The following SLIT3 variants were observed in gnomAD, a reference collection of about 807,000 sequenced individuals.
SLIT3 encodes the protein slit guidance ligand 3.
Under a neutral mutation model 184.0 loss-of-function variants are expected in SLIT3, and 68 were observed. The ratio of observed to expected loss-of-function variants is 0.37; its 90% CI spans 0.30 to 0.45. The LOEUF (loss-of-function observed/expected upper bound fraction) is 0.45. Ranked by LOEUF, SLIT3 falls within the 20% of genes least tolerant of loss-of-function variation. The pLI is 1.00. For missense variants in SLIT3, 1,707 were observed against 2,026.0 expected (o/e 0.84, Z 3.02); for synonymous variants, 831 against 828.6 (o/e 1.00, Z -0.05).
intron 4 of SLIT3, among the ~76,000 whole-genome samples, chr5:169,141,434 T>C (rs1012649930): frequency 2.6e-5 from 4 of 151,914 alleles, no homozygotes; most frequent in African/African-American, 9.7e-5. Flanking sequence ...GTTTTTTTTT[T>C]TGTTTTTTGA....
chr5:168,788,500 C>T (rs1756240854), intron 11 of SLIT3, among the ~76,000 whole-genome samples: 1 of 152,200 alleles, frequency 6.6e-6, no homozygotes, highest in South Asian at 2.1e-4. Context: ...GTTCTGGAGC[C>T]AGACAGCATG....
At chr5:168,925,931 C>T (rs976186691) in intron 4 of SLIT3, among the ~76,000 whole-genome samples, 1 of 152,206 alleles carries the variant, frequency 6.6e-6, no homozygotes, top group Non-Finnish European at 1.5e-5. Flanking sequence ...GCCCAGGAAC[C>T]CAGTCAGGTA....
chr5:168,785,150 C>T (rs1410159964), intron 12 of SLIT3, among the ~76,000 whole-genome samples: 1 of 152,156 alleles, frequency 6.6e-6, no homozygotes, highest in Non-Finnish European at 1.5e-5. Flanking sequence ...CACACACACA[C>T]ACACACTCCC....
chr5:169,227,533 TTC>T (rs1275818934), intron 3 of SLIT3, among the ~76,000 whole-genome samples: 1 of 152,174 alleles, frequency 6.6e-6, no homozygotes, highest in African/African-American at 2.4e-5. Flanking sequence ...GCTCAAGTGA[TTC>T]TCCTGTCTCA....
intron 4 of SLIT3, among the ~76,000 whole-genome samples, chr5:169,091,763 G>A (rs529023149): frequency 6.6e-6 from 1 of 152,330 alleles, no homozygotes; most frequent in African/African-American, 2.4e-5. Flanking sequence ...AAGCCTCGTG[G>A]CGAAGCTGGA....
intron 12 of SLIT3, among the ~76,000 whole-genome samples, chr5:168,777,033 CCT>C (rs961935065): frequency 3.0e-4 from 45 of 151,412 alleles, no homozygotes; most frequent in African/African-American, 4.9e-4. Flanking sequence ...TTTCAATCCT[CCT>C]CTGTTTTAAA....
chr5:168,857,996 C>T (rs910219340), intron 5 of SLIT3, among the ~76,000 whole-genome samples: 1 of 152,258 alleles, frequency 6.6e-6, no homozygotes, highest in Non-Finnish European at 1.5e-5. Flanking sequence ...CTGGAGATGT[C>T]TCCTCTTCCT....
intron 4 of SLIT3, among the ~76,000 whole-genome samples, chr5:168,990,380 T>A (rs1057035763): frequency 7.2e-5 from 11 of 152,240 alleles, no homozygotes; most frequent in Non-Finnish European, 1.3e-4. Flanking sequence ...CGTTTGTTTG[T>A]TTGAAGTGAT....
intron 5 of SLIT3, chr5:168,844,895 C>CCT: frequency 2.9e-6 from 1 of 349,230 alleles, no homozygotes. Context: ...ATTAATTGCG[C>CCT]ATTTTTTTTT....
At chr5:168,921,262 T>C (rs1761626590) in intron 4 of SLIT3, among the ~76,000 whole-genome samples, 1 of 152,216 alleles carries the variant, frequency 6.6e-6, no homozygotes, top group Admixed American at 6.5e-5. Context: ...CCACACTCTA[T>C]GTTCCTGAAT....
In SLIT3 at chr5:168,731,864, A is replaced by G. The variant is rs555664662; in HGVS notation, c.2271-7380T>C. Among the ~76,000 whole-genome samples the G allele has an allele frequency of 1.3e-3, 195 of 152,174 alleles. 1 individual carries two copies. Among genetic ancestry groups the G allele is most frequent in the South Asian group, 9.1e-3 (44 of 4,826 alleles). ...CATCATCCTTAATGGAGAAAAGTTG[A>G]AAGGATTCCCTCTAAGAATTGGAAC... On this transcript the variant is annotated intron_variant, in intron 20 of 35. Transcript: ENST00000519560.
chr5:169,082,813 C>T (rs1759124893), intron 4 of SLIT3, among the ~76,000 whole-genome samples: 1 of 152,188 alleles, frequency 6.6e-6, no homozygotes, highest in Non-Finnish European at 1.5e-5. Flanking sequence ...TGGTACCTTA[C>T]ATCAGCAACT....
intron 20 of SLIT3, among the ~76,000 whole-genome samples, chr5:168,737,280 C>A (rs543272998): frequency 3.8e-4 from 58 of 152,254 alleles, no homozygotes; most frequent in African/African-American, 1.3e-3. Flanking sequence ...AGACCTCCAT[C>A]CCCTAACTCC....
At chr5:169,117,017 G>T (rs144112090) in intron 4 of SLIT3, among the ~76,000 whole-genome samples, 1 of 152,258 alleles carries the variant, frequency 6.6e-6, no homozygotes, top group Non-Finnish European at 1.5e-5. Flanking sequence ...CCAGCAGGGG[G>T]CAGGGAGCAG....
intron 1 of SLIT3, among the ~76,000 whole-genome samples, chr5:169,265,339 A>G (rs79148930): frequency 0.12 from 18,897 of 152,188 alleles, 1,420 homozygotes; most frequent in Admixed American, 0.22. Context: ...TCAAATACAA[A>G]TCTACAATTC....
At chr5:168,952,534 A>AAAAAAAAAAAAAAAAAAAG (rs1271244382) in intron 4 of SLIT3, among the ~76,000 whole-genome samples, 2 of 60,308 alleles carry the variant, frequency 3.3e-5, no homozygotes, top group African/African-American at 1.5e-4. Context: ...ATGCCAAAAA[A>AAAAAAAAAAAAAAAAAAAG]AAAAAAAAAA....
intron 14 of SLIT3, chr5:168,768,242 C>G: frequency 2.0e-6 from 1 of 512,022 alleles, no homozygotes; most frequent in Non-Finnish European, 4.0e-6. Context: ...AGGAAAGCCC[C>G]GCAGCGACTG....
At chr5:168,793,675 C>T (rs1270770455) in intron 10 of SLIT3, among the ~76,000 whole-genome samples, 1 of 152,066 alleles carries the variant, frequency 6.6e-6, no homozygotes, top group Non-Finnish European at 1.5e-5. Context: ...ACCTGGACTT[C>T]ACAAAAAATT....
At chr5:169,278,596 C>T (rs1471210707) in intron 1 of SLIT3, among the ~76,000 whole-genome samples, 4 of 152,158 alleles carry the variant, frequency 2.6e-5, no homozygotes, top group Admixed American at 2.0e-4. Context: ...AATGCGCAGG[C>T]CCAAAGAAAA....
Sources: allele counts gnomAD v4.1 joint callset (sites outside exome capture counted in the v4.1 genomes callset), GRCh38; gene constraint gnomAD v4.1.1; transcripts MANE v1.5; gene names NCBI Gene and HGNC (gene_info 2026-07-23, HGNC 2026-07-21).